The following FTCDNL1 variants were observed in gnomAD, a reference collection of about 807,000 sequenced individuals.
The protein encoded by FTCDNL1 is formiminotransferase cyclodeaminase N-terminal like.
A neutral mutation model predicts 5.9 loss-of-function variants in FTCDNL1; 11 were observed. The ratio of observed to expected loss-of-function variants is 1.87; its 90% confidence interval spans 1.18 to 3.10. The LOEUF (loss-of-function observed/expected upper bound fraction) is 3.10, where lower values mean the gene tolerates loss of function less well. Ranked by LOEUF, FTCDNL1 falls within the 30% of genes most tolerant of loss-of-function variation. The probability of loss-of-function intolerance (pLI) is 0.00; values close to 1 mark genes in which losing one functional copy is unlikely to be tolerated. For synonymous variants in FTCDNL1, 58 were observed against 24.8 expected (o/e 2.34, Z -3.99); for missense variants, 115 against 65.5 (o/e 1.76, Z -2.61).
rs1057491633 is a variant in FTCDNL1 at position 199,848,897 on chromosome 2, T to A, written c.66A>T (p.Arg22Ser). 8.5e-6 allele frequency: 6 copies of A among 702,250 alleles called. No individual in the cohort carries two copies. Among genetic ancestry groups the A allele is most frequent in the Non-Finnish European group, 1.6e-5 (6 of 384,814 alleles). The allele number at this position is 702,250 out of a possible 1,614,324, so 43.5% of individuals were successfully genotyped here. A position where few individuals can be genotyped will look rare whatever the true frequency, so the allele number is the denominator to read the frequency against. ...ACLLNVSEAG[R>S]KYIVENIAKA... Reference sequence around the variant, plus strand: ...TTGCTATGTTCTCAACAATGTATTTTCTTCCGGCTTCTGAAACGTTTAGTA... The same window carrying A: ...TTGCTATGTTCTCAACAATGTATTTACTTCCGGCTTCTGAAACGTTTAGTA... The change falls in exon 2 of 5, where the codon AGA (arginine) becomes AGT (serine). Residue 22 changes from arginine (R) to serine (S), a missense_variant. Coordinates refer to ENST00000420128, the MANE Select transcript of FTCDNL1 (RefSeq NM_001363886.2).
the FTCDNL1 span, among the ~76,000 whole-genome samples, chr2:199,729,199 G>A: frequency 1.3e-5 from 2 of 152,202 alleles, no homozygotes; most frequent in South Asian, 2.1e-4. Context: ...TTCAACATGT[G>A]AGTATGTATT....
the FTCDNL1 span, among the ~76,000 whole-genome samples, chr2:199,714,838 G>T: frequency 6.7e-6 from 1 of 150,300 alleles, no homozygotes; most frequent in African/African-American, 2.5e-5. Flanking sequence ...GCAAACTACC[G>T]CAAGGAAAAA....
intron 3 of FTCDNL1, among the ~76,000 whole-genome samples, chr2:199,784,950 ACT>A (rs1699559885): frequency 6.6e-6 from 1 of 152,210 alleles, no homozygotes; most frequent in African/African-American, 2.4e-5. Flanking sequence ...TGCCCAGTTA[ACT>A]CAAATTGCTG....
At chr2:199,737,847 C>G in the FTCDNL1 span, among the ~76,000 whole-genome samples, 3 of 152,316 alleles carry the variant, frequency 2.0e-5, no homozygotes, top group Non-Finnish European at 4.4e-5. Context: ...TGACCTATTA[C>G]TGAGAGGTAG....
intron 3 of FTCDNL1, among the ~76,000 whole-genome samples, chr2:199,801,589 A>G (rs1179630542): frequency 2.0e-5 from 3 of 152,078 alleles, no homozygotes; most frequent in Non-Finnish European, 4.4e-5. Context: ...CTGGGGATGG[A>G]GGTTGCAGTG....
chr2:199,776,601 A>G (rs552650006), intron 3 of FTCDNL1, among the ~76,000 whole-genome samples: 2 of 152,214 alleles, frequency 1.3e-5, no homozygotes, highest in South Asian at 4.1e-4. Flanking sequence ...ACTGCACACA[A>G]CCCCTAAGTC....
At chr2:199,774,212 T>C (rs1698951145) in intron 3 of FTCDNL1, among the ~76,000 whole-genome samples, 2 of 152,296 alleles carry the variant, frequency 1.3e-5, no homozygotes, top group South Asian at 4.1e-4. Flanking sequence ...AAGGTGCAAA[T>C]GCAACCAGCA....
At chr2:199,697,859 C>T in the FTCDNL1 span, among the ~76,000 whole-genome samples, 2 of 152,120 alleles carry the variant, frequency 1.3e-5, no homozygotes, top group African/African-American at 4.8e-5. Flanking sequence ...AAGCAAGACC[C>T]AACTGTATGC....
the FTCDNL1 span, among the ~76,000 whole-genome samples, chr2:199,673,225 G>T: frequency 6.6e-6 from 1 of 150,436 alleles, no homozygotes; most frequent in Non-Finnish European, 1.5e-5. Context: ...CTACTTGGGA[G>T]CCTGAGGCAG....
chr2:199,783,499 T>C (rs757458061), intron 3 of FTCDNL1, among the ~76,000 whole-genome samples: 25 of 152,190 alleles, frequency 1.6e-4, no homozygotes, highest in Non-Finnish European at 2.8e-4. Flanking sequence ...GCCATCATTA[T>C]CTCCAAGCTT....
chr2:199,724,521 G>T, the FTCDNL1 span, among the ~76,000 whole-genome samples: 2 of 152,036 alleles, frequency 1.3e-5, no homozygotes, highest in Non-Finnish European at 2.9e-5. Context: ...TGGTCATTTA[G>T]CGCTCTAAAT....
At chr2:199,664,036 T>C in the FTCDNL1 span, among the ~76,000 whole-genome samples, 1 of 151,920 alleles carries the variant, frequency 6.6e-6, no homozygotes, top group African/African-American at 2.4e-5. Context: ...GGACTGTGTT[T>C]TCTGTTTAAA....
At chr2:199,760,899 C>A in intron 3 of FTCDNL1, 1 of 701,590 alleles carries the variant, frequency 1.4e-6, no homozygotes, top group Non-Finnish European at 2.6e-6. Flanking sequence ...CCTTACCCCT[C>A]TCCACTCAAC....
At chr2:199,723,792 T>A in the FTCDNL1 span, among the ~76,000 whole-genome samples, 1 of 152,164 alleles carries the variant, frequency 6.6e-6, no homozygotes, top group East Asian at 1.9e-4. Context: ...TTGCCAGTAT[T>A]TTACTAAGGA....
downstream of FTCDNL1, among the ~76,000 whole-genome samples, chr2:199,759,308 T>TG (rs887368794): frequency 4.0e-5 from 6 of 151,872 alleles, no homozygotes; most frequent in South Asian, 2.1e-4. Context: ...TTTTTTTTTT[T>TG]GTAACAAAAA....
rs576164796 is a variant in FTCDNL1 at position 199,796,080 on chromosome 2, A to C, written c.212-35245T>G. On this transcript the variant is annotated intron_variant, in intron 3 of 3. Coordinates refer to the FTCDNL1 transcript ENST00000416668. ...GATATAAAACAGATTGGGAGATACC[A>C]ACTATGTCTTCTAGAGATATATGTT... 1.8e-4 allele frequency among the ~76,000 whole-genome samples: 27 copies of C among 152,308 alleles called. 1 individual carries two copies. Among genetic ancestry groups the C allele is most frequent in the African/African-American group, 6.3e-4 (26 of 41,564 alleles).
chr2:199,664,511 T>A, the FTCDNL1 span, among the ~76,000 whole-genome samples: 1 of 152,320 alleles, frequency 6.6e-6, no homozygotes, highest in Admixed American at 6.5e-5. Flanking sequence ...AAAAGTCTAA[T>A]AAAATTTGAA....
the FTCDNL1 span, among the ~76,000 whole-genome samples, chr2:199,730,582 T>C: frequency 1.3e-5 from 2 of 151,556 alleles, no homozygotes; most frequent in African/African-American, 2.4e-5. Flanking sequence ...CCAACAAACA[T>C]GTGAAAAAAA....
the FTCDNL1 span, among the ~76,000 whole-genome samples, chr2:199,708,788 T>C: frequency 1.3e-5 from 2 of 152,162 alleles, no homozygotes; most frequent in African/African-American, 4.8e-5. Context: ...TGTTTGGTCT[T>C]TGACCAAATG....
Sources: allele counts gnomAD v4.1 joint callset (sites outside exome capture counted in the v4.1 genomes callset), GRCh38; gene constraint gnomAD v4.1.1; transcripts MANE v1.5; gene names NCBI Gene and HGNC (gene_info 2026-07-23, HGNC 2026-07-21).